The following SH3GL3 variants were observed in gnomAD, a reference collection of about 807,000 sequenced individuals.
SH3GL3 encodes the protein SH3 domain containing GRB2 like 3, endophilin A3.
A neutral mutation model predicts 47.7 loss-of-function variants in SH3GL3; 33 were observed. The observed-to-expected ratio is 0.69, with a 90% CI of 0.52 to 0.92. SH3GL3 has a LOEUF of 0.92. Among genes scored for constraint, SH3GL3 ranks in the 40% least tolerant of loss-of-function variants. The pLI is 0.00. For missense variants in SH3GL3, 363 were observed against 417.8 expected (o/e 0.87, Z 1.14); for synonymous variants, 155 against 148.8 (o/e 1.04, Z -0.30).
At chr15:83,467,781 A>G (rs1031170145) in intron 1 of SH3GL3, among the ~76,000 whole-genome samples, 15 of 152,108 alleles carry the variant, frequency 9.9e-5, no homozygotes, top group East Asian at 3.9e-4. Context: ...CTAAGTATTC[A>G]TGCCTTTTTT....
intron 1 of SH3GL3, among the ~76,000 whole-genome samples, chr15:83,465,810 T>A (rs905172189): frequency 2.6e-5 from 4 of 152,242 alleles, no homozygotes; most frequent in African/African-American, 9.6e-5. Context: ...TATGTGCTTT[T>A]AATTAAACAT....
chr15:83,576,277 C>T (rs926204345), intron 5 of SH3GL3, among the ~76,000 whole-genome samples: 1 of 152,120 alleles, frequency 6.6e-6, no homozygotes, highest in Non-Finnish European at 1.5e-5. Context: ...AGTGAGGGAT[C>T]GTATAAAGAA....
At chr15:83,572,535 A>C (rs1349116806) in intron 4 of SH3GL3, 30 bp from the exon 5 acceptor site, 1 of 1,594,818 alleles carries the variant, frequency 6.3e-7, no homozygotes, top group East Asian at 2.2e-5. Flanking sequence ...GTTCCCAAAG[A>C]ACCTTTTGTA....
At chr15:83,459,456 T>A (rs2151502963) in intron 1 of SH3GL3, among the ~76,000 whole-genome samples, 1 of 152,208 alleles carries the variant, frequency 6.6e-6, no homozygotes, top group Admixed American at 6.5e-5. Flanking sequence ...GAAAGGGAGT[T>A]TTGTGTATAA....
chr15:83,465,326 T>A (rs1013897492), intron 1 of SH3GL3, among the ~76,000 whole-genome samples: 1 of 151,408 alleles, frequency 6.6e-6, no homozygotes, highest in Non-Finnish European at 1.5e-5. Context: ...AATAAATAAA[T>A]AAAAAAGTAA....
intron 1 of SH3GL3, among the ~76,000 whole-genome samples, chr15:83,500,622 T>C (rs2042255242): frequency 6.6e-6 from 1 of 152,246 alleles, no homozygotes; most frequent in South Asian, 2.1e-4. Context: ...CTTTGGCTCC[T>C]ATGGTGAACC....
At chr15:83,590,921 A>T (rs2060078186) in intron 8 of SH3GL3, among the ~76,000 whole-genome samples, 1 of 152,228 alleles carries the variant, frequency 6.6e-6, no homozygotes, top group Admixed American at 6.5e-5. Context: ...TTTAATTCTT[A>T]TGAAGTCCAA....
chr15:83,531,197 C>A (rs1291669384), intron 1 of SH3GL3, among the ~76,000 whole-genome samples: 1 of 152,176 alleles, frequency 6.6e-6, no homozygotes, highest in Admixed American at 6.5e-5. Context: ...GAGTAATATT[C>A]ATGAGTAAGA....
chr15:83,564,443 A>G (rs1210608097), intron 2 of SH3GL3, among the ~76,000 whole-genome samples: 1 of 152,156 alleles, frequency 6.6e-6, no homozygotes, highest in African/African-American at 2.4e-5. Flanking sequence ...CTTTTGGGCT[A>G]CTGATGGTAT....
At chr15:83,632,867 A>G in the SH3GL3 span, among the ~76,000 whole-genome samples, 1 of 152,224 alleles carries the variant, frequency 6.6e-6, no homozygotes, top group Admixed American at 6.5e-5. Flanking sequence ...TTCTCATAAT[A>G]AGCAATTTAA....
chr15:83,592,005 A>G (rs898242529), intron 8 of SH3GL3, among the ~76,000 whole-genome samples: 13 of 152,184 alleles, frequency 8.5e-5, no homozygotes, highest in African/African-American at 3.1e-4. Flanking sequence ...AACATGGTGC[A>G]AGCTTTTTCG....
chr15:83,564,679 T>C (rs1255299641), intron 2 of SH3GL3, among the ~76,000 whole-genome samples: 1 of 152,206 alleles, frequency 6.6e-6, no homozygotes, highest in Non-Finnish European at 1.5e-5. Flanking sequence ...ATAATACTAA[T>C]GATTATGATT....
intron 3 of SH3GL3, 40 bp from the exon 4 acceptor site, chr15:83,568,489 C>G (rs777297138): frequency 6.4e-7 from 1 of 1,571,978 alleles, no homozygotes; most frequent in Non-Finnish European, 8.7e-7. Context: ...GTCACTCCAC[C>G]TTGTAACTTT....
intron 1 of SH3GL3, among the ~76,000 whole-genome samples, chr15:83,557,463 C>G (rs1372264348): frequency 6.6e-6 from 1 of 152,192 alleles, no homozygotes; most frequent in Non-Finnish European, 1.5e-5. Flanking sequence ...TTCAGTGTAC[C>G]AGATAACTTC....
At chr15:83,533,956 A>T (rs2043795870) in intron 1 of SH3GL3, among the ~76,000 whole-genome samples, 1 of 152,146 alleles carries the variant, frequency 6.6e-6, no homozygotes, top group Non-Finnish European at 1.5e-5. Flanking sequence ...CCTCTTGGGA[A>T]GTATCTCCTT....
intron 5 of SH3GL3, among the ~76,000 whole-genome samples, chr15:83,574,977 C>T (rs1380135431): frequency 3.3e-5 from 5 of 152,318 alleles, no homozygotes; most frequent in East Asian, 3.9e-4. Flanking sequence ...GTCCATTCCT[C>T]GGGGTGAGTG....
chr15:83,512,591 C>G (rs2042808946), intron 1 of SH3GL3, among the ~76,000 whole-genome samples: 1 of 152,106 alleles, frequency 6.6e-6, no homozygotes, highest in Non-Finnish European at 1.5e-5. Flanking sequence ...TGTGTCTGCC[C>G]CTGTAAGGGA....
intron 1 of SH3GL3, among the ~76,000 whole-genome samples, chr15:83,455,903 A>C (rs1442385824): frequency 1.6e-4 from 1 of 6,434 alleles, no homozygotes; most frequent in Non-Finnish European, 2.9e-4. Context: ...TAGAGTTTCC[A>C]GTTTTTCTGT....
chr15:83,463,237 A>G (rs28521508), intron 1 of SH3GL3, among the ~76,000 whole-genome samples: 61,554 of 152,114 alleles, frequency 0.4, 13,673 homozygotes, highest in South Asian at 0.67. Context: ...CAGGTTTATC[A>G]TTAGACATTC....
Sources: allele counts gnomAD v4.1 joint callset (sites outside exome capture counted in the v4.1 genomes callset), GRCh38; gene constraint gnomAD v4.1.1; transcripts MANE v1.5; gene names NCBI Gene and HGNC (gene_info 2026-07-23, HGNC 2026-07-21).